OSBPL8: variants seen among roughly 807,000 people sequenced by gnomAD.
OSBPL8 encodes oxysterol binding protein like 8, also known as oxysterol-binding protein-related protein 8.
Under a neutral mutation model 125.5 loss-of-function variants are expected in OSBPL8, and 59 were observed. The ratio of observed to expected loss-of-function variants is 0.47; its 90% confidence interval spans 0.38 to 0.58. The LOEUF (loss-of-function observed/expected upper bound fraction) is 0.58, where lower values mean the gene tolerates loss of function less well. Ranked by LOEUF, OSBPL8 falls within the 20% of genes least tolerant of loss-of-function variation. OSBPL8 has a pLI of 0.00. For missense variants in OSBPL8, 758 were observed against 1,047.8 expected (o/e 0.72, Z 3.82); for synonymous variants, 330 against 338.9 (o/e 0.97, Z 0.29).
At chr12:76,387,225 G>A (rs1019717534) in intron 12 of OSBPL8, among the ~76,000 whole-genome samples, 2 of 152,150 alleles carry the variant, frequency 1.3e-5, no homozygotes, top group African/African-American at 4.8e-5. Context: ...ATAGGTTGAC[G>A]ATAGCCTCTT....
At chr12:76,385,308 T>C (rs983822560) in intron 14 of OSBPL8, among the ~76,000 whole-genome samples, 3 of 152,156 alleles carry the variant, frequency 2.0e-5, no homozygotes, top group Non-Finnish European at 4.4e-5. Flanking sequence ...GCCACTGTTA[T>C]TGAAAGAGAA....
chr12:76,416,907 C>T (rs1216681054), intron 4 of OSBPL8, among the ~76,000 whole-genome samples: 1 of 152,052 alleles, frequency 6.6e-6, no homozygotes, highest in East Asian at 1.9e-4. Context: ...GATTTAAAAA[C>T]ATAAATTAAT....
At chr12:76,526,236 C>T (rs1226728990) in intron 1 of OSBPL8, among the ~76,000 whole-genome samples, 1 of 152,148 alleles carries the variant, frequency 6.6e-6, no homozygotes, top group East Asian at 1.9e-4. Flanking sequence ...CAGATGTATA[C>T]ATTTAAAAAA....
intron 9 of OSBPL8, among the ~76,000 whole-genome samples, chr12:76,393,978 C>T (rs1953683029): frequency 6.6e-6 from 1 of 151,902 alleles, no homozygotes. Context: ...CGAGATCGTG[C>T]CACTGCACTC....
At chr12:76,455,835 A>G (rs1873970084) in intron 3 of OSBPL8, among the ~76,000 whole-genome samples, 2 of 152,206 alleles carry the variant, frequency 1.3e-5, no homozygotes, top group African/African-American at 4.8e-5. Flanking sequence ...GATACTCACT[A>G]AATACTCTCT....
chr12:76,384,859 A>G (rs930882502), intron 14 of OSBPL8, among the ~76,000 whole-genome samples: 1 of 152,206 alleles, frequency 6.6e-6, no homozygotes, highest in African/African-American at 2.4e-5. Flanking sequence ...CAAGCTCATT[A>G]GAAATCCTGA....
At chr12:76,368,925 C>G (rs1351411835) in intron 21 of OSBPL8, among the ~76,000 whole-genome samples, 1 of 152,066 alleles carries the variant, frequency 6.6e-6, no homozygotes, top group African/African-American at 2.4e-5. Context: ...CTGGGATGGA[C>G]CTGGGGCAAG....
intron 21 of OSBPL8, among the ~76,000 whole-genome samples, chr12:76,364,574 A>C (rs1227965104): frequency 6.6e-6 from 1 of 152,184 alleles, no homozygotes; most frequent in Admixed American, 6.5e-5. Flanking sequence ...GGGTGCAGCA[A>C]ACCACCATGG....
intron 1 of OSBPL8, among the ~76,000 whole-genome samples, chr12:76,550,814 A>G (rs535798298): frequency 2.0e-5 from 3 of 152,322 alleles, no homozygotes; most frequent in East Asian, 1.9e-4. Flanking sequence ...GTGAATCAAC[A>G]TTAAGGCTGG....
chr12:76,508,570 A>G (rs1375007752), intron 1 of OSBPL8, among the ~76,000 whole-genome samples: 1 of 152,208 alleles, frequency 6.6e-6, no homozygotes, highest in African/African-American at 2.4e-5. Flanking sequence ...AGAATGAGAT[A>G]GGAGGTCTGC....
chr12:76,436,121 G>C (rs1871410980), intron 4 of OSBPL8, among the ~76,000 whole-genome samples: 1 of 152,028 alleles, frequency 6.6e-6, no homozygotes. Context: ...CCTGAATACT[G>C]GTGTCTCCAC....
At chr12:76,455,079 C>CA (rs558685645) in intron 3 of OSBPL8, among the ~76,000 whole-genome samples, 15,757 of 135,510 alleles carry the variant, frequency 0.12, 868 homozygotes, top group Admixed American at 0.14. Flanking sequence ...CTAAAAAATA[C>CA]AAAAAAAAAA....
intron 10 of OSBPL8, among the ~76,000 whole-genome samples, chr12:76,391,556 C>A (rs977622829): frequency 6.6e-6 from 1 of 151,882 alleles, no homozygotes; most frequent in Non-Finnish European, 1.5e-5. Flanking sequence ...AGAAAAAAAA[C>A]CTGGGCAACA....
At chr12:76,549,647 C>T (rs551727104) in intron 1 of OSBPL8, among the ~76,000 whole-genome samples, 1 of 152,160 alleles carries the variant, frequency 6.6e-6, no homozygotes, top group Admixed American at 6.5e-5. Flanking sequence ...ATGATCCACC[C>T]GCCTCGGCCT....
Position 76,414,849 on chromosome 12 carries a change from A to G in OSBPL8, c.218-4215T>C, listed in dbSNP as rs191702172. Among the ~76,000 whole-genome samples the G allele has an allele frequency of 8.9e-4, 135 of 152,300 alleles. 1 individual carries two copies. The highest frequency in any genetic ancestry group is 3.0e-3 in the African/African-American group (124 of 41,570). ...TTTGGATTTCATCAAAACTTTTCCC[A>G]CATCTATTAAGATAATCATATTATT... On this transcript the variant is annotated intron_variant, in intron 4 of 23. Coordinates refer to ENST00000261183, the MANE Select transcript of OSBPL8 (RefSeq NM_020841.5).
chr12:76,369,312 GA>G lies in OSBPL8; in HGVS notation c.2241-12del, dbSNP rs11459293. ...TCCCATGGTCGGGTACTACATAAAT[GA>G]AAAAAAAAAAAACCATTTGCTCAAT... On this transcript the variant is annotated splice_polypyrimidine_tract_variant and intron_variant, in intron 20 of 23. Coordinates refer to ENST00000261183, the MANE Select transcript of OSBPL8 (RefSeq NM_020841.5). 7.0e-3 allele frequency: 9,603 copies of G among 1,373,560 alleles called. No homozygotes were observed. Among genetic ancestry groups the G allele is most frequent in the African/African-American group, 0.011 (709 of 62,166 alleles). The allele number at this position is 1,373,560 out of a possible 1,614,324, so 85.1% of individuals were successfully genotyped here. A position where few individuals can be genotyped will look rare whatever the true frequency, so the allele number is the denominator to read the frequency against.
chr12:76,501,333 G>A (rs781616696), intron 1 of OSBPL8, among the ~76,000 whole-genome samples: 1 of 152,042 alleles, frequency 6.6e-6, no homozygotes, highest in African/African-American at 2.4e-5. Flanking sequence ...AGCACACAAT[G>A]TAAGAATGGT....
chr12:76,435,007 A>G (rs1871275437), intron 4 of OSBPL8, among the ~76,000 whole-genome samples: 2 of 152,164 alleles, frequency 1.3e-5, no homozygotes, highest in South Asian at 4.1e-4. Flanking sequence ...TTCAGAGTAT[A>G]TATCCAAAGG....
intron 1 of OSBPL8, among the ~76,000 whole-genome samples, chr12:76,552,963 T>C (rs996778709): frequency 1.3e-5 from 2 of 152,354 alleles, no homozygotes; most frequent in Admixed American, 1.3e-4. Context: ...TGCTTTTCTT[T>C]ACTTCCAAAT....
Sources: allele counts gnomAD v4.1 joint callset (sites outside exome capture counted in the v4.1 genomes callset), GRCh38; gene constraint gnomAD v4.1.1; transcripts MANE v1.5; gene names NCBI Gene and HGNC (gene_info 2026-07-23, HGNC 2026-07-21).